Variants in SEPTIN11 observed in about 807,000 individuals in gnomAD.
The protein encoded by SEPTIN11 is septin-11.
A neutral mutation model predicts 51.4 loss-of-function variants in SEPTIN11; 25 were observed. The observed-to-expected ratio is 0.49, with a 90% confidence interval of 0.35 to 0.68. The LOEUF (loss-of-function observed/expected upper bound fraction) is 0.68. SEPTIN11 is among the 30% of genes least tolerant of loss of function. The probability of loss-of-function intolerance (pLI) is 0.00; values close to 1 mark genes in which losing one functional copy is unlikely to be tolerated. For missense variants in SEPTIN11, 381 were observed against 520.8 expected (o/e 0.73, Z 2.61); for synonymous variants, 174 against 184.1 (o/e 0.95, Z 0.44).
intron 1 of SEPTIN11, among the ~76,000 whole-genome samples, chr4:76,979,898 C>T (rs1412353978): frequency 1.3e-5 from 2 of 151,238 alleles, no homozygotes; most frequent in Non-Finnish European, 2.9e-5. Flanking sequence ...ACATTATTTT[C>T]CTGATGGCTG....
At chr4:77,023,402 C>T (rs979610213) in intron 7 of SEPTIN11, among the ~76,000 whole-genome samples, 3 of 147,038 alleles carry the variant, frequency 2.0e-5, no homozygotes, top group South Asian at 2.1e-4. Flanking sequence ...AATATATATA[C>T]ACACACATAT....
In SEPTIN11 at chr4:77,024,034, C is replaced by G. The variant is rs1560744214; in HGVS notation, c.953+3364C>G. ...AGCACCCTCGTTCACCTTTTGTCCT[C>G]TGGGCCCCACTTGTGTTTACAGTAC... On this transcript the variant is annotated intron_variant, in intron 7 of 9. Transcript: ENST00000264893. This position sits in a 1 kb window ranked among gnomAD's most constrained non-coding sequence, Gnocchi z 4.2. Among the ~76,000 whole-genome samples the G allele has an allele frequency of 6.6e-6, 1 of 152,164 alleles. No homozygotes were observed.
chr4:77,008,986 T>C (rs995193416), intron 3 of SEPTIN11, among the ~76,000 whole-genome samples: 1 of 152,242 alleles, frequency 6.6e-6, no homozygotes, highest in Non-Finnish European at 1.5e-5. Context: ...ATAATTCATC[T>C]CATCTACAGG....
At position 77,016,494 on chromosome 4, in the gene SEPTIN11, G is replaced by GTA. The variant is rs1483321060; in HGVS notation, c.687+1486_687+1487dup. Among the ~76,000 whole-genome samples the GTA allele has an allele frequency of 1.2e-3, 169 of 143,562 alleles. 1 individual carries two copies. The highest frequency in any genetic ancestry group is 7.6e-3 in the Admixed American group (109 of 14,282). The allele number at this position is 143,562 out of a possible 152,430, so 94.2% of individuals were successfully genotyped here. On this transcript the variant is annotated intron_variant, in intron 5 of 9. Coordinates refer to ENST00000264893, the MANE Select transcript of SEPTIN11 (RefSeq NM_018243.4). Reference sequence around the variant, plus strand: ...TAATACAAAATATATATATATATGTGTATATATATAGCATATATATATATT... The same window carrying GTA: ...TAATACAAAATATATATATATATGTGTATATATATATAGCATATATATATATT...
chr4:77,006,800 T>G (rs1724506344), intron 3 of SEPTIN11, among the ~76,000 whole-genome samples: 1 of 152,198 alleles, frequency 6.6e-6, no homozygotes, highest in Non-Finnish European at 1.5e-5. Flanking sequence ...ACTCGACTAT[T>G]TTTATCTAGA....
rs1726939806 is a variant in SEPTIN11 at position 77,035,083 on chromosome 4, T to A, written c.*571T>A. ...ACATTTTCATTTTAATCAATAACAT[T>A]ATTTGGCCTGAGCTTGTGGGTCTGT... is the stretch of plus-strand genomic sequence containing the variant. On this transcript the variant is annotated 3_prime_UTR_variant, in exon 10 of 10. Transcript: ENST00000264893. 2 of 985,474 alleles carry A rather than the reference T, an allele frequency of 2.0e-6. No homozygotes were observed. Among genetic ancestry groups the A allele is most frequent in the African/African-American group, 3.5e-5 (2 of 57,348 alleles). The allele number at this position is 985,474 out of a possible 1,614,324, so 61.0% of individuals were successfully genotyped here.
intron 7 of SEPTIN11, among the ~76,000 whole-genome samples, chr4:77,023,302 A>ACACAAT (rs1553976962): frequency 5.1e-4 from 74 of 143,926 alleles, no homozygotes; most frequent in African/African-American, 1.4e-3. Flanking sequence ...ACACACACAC[A>ACACAAT]ATATATATAT....
At position 76,987,984 on chromosome 4, in the gene SEPTIN11, A is replaced by G. The variant is rs890870599; in HGVS notation, c.28-8441A>G. ...CTCTGCTGCCCCATGGTTTCATCTC[A>G]GCTCTCTTTAAAATTGGACATCTGT... On this transcript the variant is annotated intron_variant, in intron 1 of 9. Transcript: ENST00000264893. The G allele has an allele frequency of 5.4e-5, 11 of 205,312 alleles. No individual in the cohort carries two copies. The East Asian group carries it at 2.0e-3, about 38-fold the overall frequency. The allele number at this position is 205,312 out of a possible 1,614,324, so 12.7% of individuals were successfully genotyped here. A position where few individuals can be genotyped will look rare whatever the true frequency, so the allele number is the denominator to read the frequency against.
intron 2 of SEPTIN11, among the ~76,000 whole-genome samples, chr4:77,001,981 A>G (rs1724151878): frequency 6.6e-6 from 1 of 152,218 alleles, no homozygotes; most frequent in South Asian, 2.1e-4. Flanking sequence ...TGTTAAAGAA[A>G]AAAAGCTAAT....
chr4:77,022,566 T>G (rs1725791662), intron 7 of SEPTIN11, among the ~76,000 whole-genome samples: 1 of 152,204 alleles, frequency 6.6e-6, no homozygotes, highest in Admixed American at 6.5e-5. Flanking sequence ...TGGGCATGGC[T>G]GTGTTCCGGT....
intron 1 of SEPTIN11, among the ~76,000 whole-genome samples, chr4:76,986,642 C>A (rs568323102): frequency 6.6e-6 from 1 of 152,270 alleles, no homozygotes; most frequent in Admixed American, 6.5e-5. Context: ...CCTTCCACTA[C>A]ACTTTTCCAC....
At chr4:77,008,365 G>A (rs1453274845) in intron 3 of SEPTIN11, among the ~76,000 whole-genome samples, 1 of 152,232 alleles carries the variant, frequency 6.6e-6, no homozygotes, top group Non-Finnish European at 1.5e-5. Flanking sequence ...AATCCCCTGA[G>A]ACGGAATTTC....
intron 1 of SEPTIN11, among the ~76,000 whole-genome samples, chr4:76,965,748 AT>A (rs1259316184): frequency 1.3e-5 from 2 of 152,148 alleles, no homozygotes; most frequent in Non-Finnish European, 2.9e-5. Flanking sequence ...TTATAGTTTA[AT>A]TTAGGAGCCA....
At chr4:77,007,584 A>G (rs990015329) in intron 3 of SEPTIN11, among the ~76,000 whole-genome samples, 9 of 152,192 alleles carry the variant, frequency 5.9e-5, no homozygotes, top group Admixed American at 3.9e-4. Flanking sequence ...GCATATCCTC[A>G]TATTTGCAGC....
Position 77,019,219 on chromosome 4 carries a change from A to G in SEPTIN11, c.742A>G (p.Lys248Glu). Reference sequence around the variant, plus strand: ...CACCGAAGAGGTGAAGATTGGCAACAAGATGGCAAAGGCCAGGCAGTACCC... The same window carrying G: ...CACCGAAGAGGTGAAGATTGGCAACGAGATGGCAAAGGCCAGGCAGTACCC... ...GSTEEVKIGNKMAKARQYPWG... is the reference protein window; with the variant it reads ...GSTEEVKIGNEMAKARQYPWG... Residue 248 changes from lysine to glutamate, a missense_variant, in exon 6 of 10, where the codon AAG becomes GAG. Around this residue, in one of 2 missense-constraint regions of SEPTIN11, gnomAD observed 197 missense variants for 313.1 expected, o/e 0.63. Coordinates refer to ENST00000264893, the MANE Select transcript of SEPTIN11 (RefSeq NM_018243.4). 6.2e-7 allele frequency: 1 copy of G among 1,613,662 alleles called. No individual in the cohort carries two copies. The highest frequency in any genetic ancestry group is 8.5e-7 in the Non-Finnish European group (1 of 1,179,858).
chr4:76,993,993 G>T (rs1243134991), intron 1 of SEPTIN11, among the ~76,000 whole-genome samples: 5 of 152,072 alleles, frequency 3.3e-5, no homozygotes, highest in African/African-American at 1.2e-4. Context: ...TCCCAGGATT[G>T]GTTCATAGGT....
chr4:77,029,763 T>TACACAC (rs1560749817), intron 8 of SEPTIN11, among the ~76,000 whole-genome samples: 8 of 147,672 alleles, frequency 5.4e-5, no homozygotes, highest in Admixed American at 2.0e-4. Context: ...CATATATATA[T>TACACAC]ATATACACAC....
downstream of SEPTIN11, chr4:77,039,799 A>G (rs1445894525): frequency 1.1e-6 from 1 of 923,586 alleles, no homozygotes; most frequent in Non-Finnish European, 1.3e-6. Flanking sequence ...TAAATTCAGG[A>G]ACCACTGTTG....
At chr4:76,953,773 C>A (rs553288418) in intron 1 of SEPTIN11, among the ~76,000 whole-genome samples, 1 of 152,058 alleles carries the variant, frequency 6.6e-6, no homozygotes, top group African/African-American at 2.4e-5. Context: ...TAAAATCTTT[C>A]GAAAGTTATA....
Sources: gnomAD v4.1 joint callset for allele counts (sites outside exome capture counted in the v4.1 genomes callset) on GRCh38, gnomAD v4.1.1 for gene constraint, gnomAD v4.1.1 regional missense constraint, Gnocchi (gnomAD v3.1) non-coding constraint, MANE v1.5 for transcripts, NCBI Gene and HGNC (gene_info 2026-07-23, HGNC 2026-07-21) for gene names.